Variants in PLXNA4 observed in about 807,000 individuals in gnomAD.
PLXNA4 encodes the protein plexin A4.
Under a neutral mutation model 191.8 loss-of-function variants are expected in PLXNA4, and 44 were observed. That is an observed-to-expected ratio of 0.23 (90% CI 0.18 to 0.29). The LOEUF (loss-of-function observed/expected upper bound fraction) is 0.29, where lower values mean the gene tolerates loss of function less well. PLXNA4 is among the 10% of genes least tolerant of loss of function. The probability of loss-of-function intolerance (pLI) is 1.00; values close to 1 mark genes in which losing one functional copy is unlikely to be tolerated. For synonymous variants in PLXNA4, 1,082 were observed against 1,009.5 expected (o/e 1.07, Z -1.36); for missense variants, 1,800 against 2,488.8 (o/e 0.72, Z 5.89).
intron 3 of PLXNA4, among the ~76,000 whole-genome samples, chr7:132,392,280 A>C (rs1026405736): frequency 6.6e-6 from 1 of 152,236 alleles, no homozygotes; most frequent in African/African-American, 2.4e-5. Flanking sequence ...TATTTATTAC[A>C]TTAACAAGAG....
chr7:132,308,381 G>A (rs1801605903), intron 3 of PLXNA4, among the ~76,000 whole-genome samples: 1 of 152,144 alleles, frequency 6.6e-6, no homozygotes, highest in Non-Finnish European at 1.5e-5. Flanking sequence ...ATGTGCCTCT[G>A]GTTAGAAAGG....
At chr7:132,282,634 A>G (rs1800525568) in intron 4 of PLXNA4, among the ~76,000 whole-genome samples, 1 of 71,396 alleles carries the variant, frequency 1.4e-5, no homozygotes, top group African/African-American at 6.7e-5. Flanking sequence ...AAAAAAAAAA[A>G]AAAAAAAAAA....
intron 1 of PLXNA4, among the ~76,000 whole-genome samples, chr7:132,555,111 A>C (rs1417030445): frequency 2.6e-5 from 4 of 152,114 alleles, no homozygotes; most frequent in Admixed American, 2.6e-4. Flanking sequence ...ACATTATCTA[A>C]GATATCACTC....
chr7:132,527,539 C>CAAAAAAAAAAAAAAAAA (rs34598256), intron 1 of PLXNA4, among the ~76,000 whole-genome samples: 1 of 59,716 alleles, frequency 1.7e-5, no homozygotes, highest in African/African-American at 6.3e-5. Flanking sequence ...GAAACAGACT[C>CAAAAAAAAAAAAAAAAA]AAAAAAAAAA....
intron 3 of PLXNA4, among the ~76,000 whole-genome samples, chr7:132,385,594 T>C (rs761106883): frequency 5.3e-5 from 8 of 152,188 alleles, no homozygotes; most frequent in Non-Finnish European, 4.4e-5. Context: ...GCACGTGTCT[T>C]AGACAGCAAG....
chr7:132,484,765 G>A (rs1336348433), intron 3 of PLXNA4: 3 of 1,608,890 alleles, frequency 1.9e-6, no homozygotes, highest in Admixed American at 1.7e-5. Flanking sequence ...GGCTTTCTGT[G>A]CTATGAATAT....
intron 3 of PLXNA4, among the ~76,000 whole-genome samples, chr7:132,355,918 A>G (rs1330271172): frequency 6.6e-6 from 1 of 152,172 alleles, no homozygotes; most frequent in African/African-American, 2.4e-5. Context: ...GTAGATTTCT[A>G]TAGTAGGACA....
intron 4 of PLXNA4, among the ~76,000 whole-genome samples, chr7:132,291,650 C>A (rs915857982): frequency 1.3e-5 from 2 of 152,218 alleles, no homozygotes; most frequent in Admixed American, 6.5e-5. Flanking sequence ...CATTCTCTAC[C>A]TCCATTAGTC....
At chr7:132,474,214 T>TCTCA (rs1175360961) in intron 3 of PLXNA4, among the ~76,000 whole-genome samples, 5 of 140,194 alleles carry the variant, frequency 3.6e-5, no homozygotes, top group African/African-American at 8.0e-5. Context: ...TCTCTCTGTC[T>TCTCA]CACACACACA....
intron 5 of PLXNA4, among the ~76,000 whole-genome samples, chr7:132,234,178 G>T (rs1453308752): frequency 6.6e-6 from 1 of 152,200 alleles, no homozygotes; most frequent in African/African-American, 2.4e-5. Flanking sequence ...TTCTAATCCA[G>T]TCGGTAACAA....
intron 1 of PLXNA4, among the ~76,000 whole-genome samples, chr7:132,545,877 G>A (rs1310107996): frequency 6.6e-6 from 1 of 152,204 alleles, no homozygotes; most frequent in Non-Finnish European, 1.5e-5. Flanking sequence ...GCAGGAGGTG[G>A]CTGGGTGTAT....
intron 3 of PLXNA4, among the ~76,000 whole-genome samples, chr7:132,470,719 T>C (rs148399000): frequency 1.0e-3 from 153 of 152,182 alleles, no homozygotes; most frequent in Non-Finnish European, 2.0e-3. Flanking sequence ...GACTTGACTA[T>C]GAAAGAAAGG....
At chr7:132,253,445 A>C (rs1051707705) in intron 4 of PLXNA4, among the ~76,000 whole-genome samples, 1 of 151,960 alleles carries the variant, frequency 6.6e-6, no homozygotes, top group African/African-American at 2.4e-5. Context: ...GGAGTTCACC[A>C]TGTTGGCCAA....
At chr7:132,509,805 A>G (rs1798635796) in intron 1 of PLXNA4, among the ~76,000 whole-genome samples, 1 of 152,104 alleles carries the variant, frequency 6.6e-6, no homozygotes, top group African/African-American at 2.4e-5. Context: ...CTGCTGGATG[A>G]AGAGGCCAAA....
intron 10 of PLXNA4, among the ~76,000 whole-genome samples, chr7:132,207,847 A>T (rs953629834): frequency 6.6e-6 from 1 of 152,192 alleles, no homozygotes; most frequent in African/African-American, 2.4e-5. Context: ...CAGGAATAAC[A>T]CCAAAGCTGG....
At chr7:132,329,130 ACC>A in intron 3 of PLXNA4, among the ~76,000 whole-genome samples, 1 of 152,140 alleles carries the variant, frequency 6.6e-6, no homozygotes, top group East Asian at 1.9e-4. Flanking sequence ...ATGTGGATGC[ACC>A]CCTAAGTTTG....
chr7:132,486,578 G>A (rs112610652), intron 3 of PLXNA4, among the ~76,000 whole-genome samples: 450 of 152,302 alleles, frequency 3.0e-3, no homozygotes, highest in South Asian at 0.018. Flanking sequence ...GGCCGCCCCA[G>A]TGGCCTGGCT....
At chr7:132,178,620 C>T (rs1420525054) in intron 20 of PLXNA4, among the ~76,000 whole-genome samples, 2 of 152,192 alleles carry the variant, frequency 1.3e-5, no homozygotes, top group Non-Finnish European at 2.9e-5. Context: ...GAGTGAGAGG[C>T]TTTGCAGGTA....
chr7:132,508,614 G>A lies in PLXNA4; in HGVS notation c.80C>T (p.Thr27Ile). The change falls in exon 2 of 32, where the codon ACC (threonine) becomes ATC (isoleucine). Residue 27 changes from threonine to isoleucine, a missense_variant. By Grantham distance (89) the Thr-to-Ile change is moderately conservative. This residue lies in a region of PLXNA4 where 1,397 missense variants were observed against 1,880.4 expected (regional missense o/e 0.74). Transcript: ENST00000321063. The surrounding 1 kb of genome is among the most constrained non-coding windows in gnomAD (Gnocchi z 4.4). The stretch of plus-strand genomic sequence containing the variant: ...CTGGGACAGCGGGGCTGGCTGCCGG[G>A]TGAGCAAAGTGGAGGAGCCCATGCC... Reference protein sequence around the residue: ...MVGMGSSTLLTRQPAPLSQKQ... With the variant: ...MVGMGSSTLLIRQPAPLSQKQ... 1.2e-6 allele frequency: 2 copies of A among 1,611,116 alleles called. No individual in the cohort carries two copies. Among genetic ancestry groups the A allele is most frequent in the Non-Finnish European group, 1.7e-6 (2 of 1,178,388 alleles).
Sources: allele counts gnomAD v4.1 joint callset (sites outside exome capture counted in the v4.1 genomes callset), GRCh38; gene constraint gnomAD v4.1.1; regional missense constraint gnomAD v4.1.1; non-coding constraint Gnocchi (gnomAD v3.1); transcripts MANE v1.5; gene names NCBI Gene and HGNC (gene_info 2026-07-23, HGNC 2026-07-21).